CEP131: variants seen among roughly 807,000 people sequenced by gnomAD.
CEP131 encodes centrosomal protein 131, also known as centrosomal protein of 131 kDa.
A neutral mutation model predicts 136.8 loss-of-function variants in CEP131; 99 were observed. That is an observed-to-expected ratio of 0.72 (90% CI 0.62 to 0.86). The LOEUF (loss-of-function observed/expected upper bound fraction) is 0.86. Among genes scored for constraint, CEP131 ranks in the 40% least tolerant of loss-of-function variants. CEP131 has a pLI of 0.00. For synonymous variants in CEP131, 646 were observed against 612.7 expected (o/e 1.05, Z -0.80); for missense variants, 1,459 against 1,463.0 (o/e 1.00, Z 0.04).
chr17:81,199,354 G>A lies in CEP131; in HGVS notation c.1192+27C>T, dbSNP rs762353917. 4 of 1,576,056 alleles carry A rather than the reference G, an allele frequency of 2.5e-6. No individual in the cohort carries two copies. The East Asian group carries it at 6.8e-5, about 27-fold the overall frequency. On this transcript the variant is annotated intron_variant, in intron 10 of 25. Transcript: ENST00000450824. Reference sequence around the variant, plus strand: ...TCCTGGCTGCAGTCCACCCCCCAGAGCAGGGCGGGCGTGGAGCCACTCTCA... The same window carrying A: ...TCCTGGCTGCAGTCCACCCCCCAGAACAGGGCGGGCGTGGAGCCACTCTCA...
At chr17:81,207,319 C>T (rs2062029701) in intron 3 of CEP131, 80 bp from the exon 4 acceptor site, 44 of 1,264,994 alleles carry the variant, frequency 3.5e-5, no homozygotes, top group Non-Finnish European at 4.7e-5. Flanking sequence ...CCAGGCAGGT[C>T]CCGCGAGGAC....
At chr17:81,218,717 G>C (rs890010882) in intron 2 of CEP131, among the ~76,000 whole-genome samples, 1 of 152,194 alleles carries the variant, frequency 6.6e-6, no homozygotes, top group Non-Finnish European at 1.5e-5. Flanking sequence ...CCCGGAACTC[G>C]GCTAGCCGTC....
rs955331658 is a variant in CEP131, at chr17:81,204,985, G to T, written c.516-1378C>A. The stretch of plus-strand genomic sequence containing the variant: ...TTTCAATAAAACACTAAATGGCCGG[G>T]CGCAGTGGCTCACACCTATAATCCT... On this transcript the variant is annotated intron_variant, in intron 5 of 25. Transcript: ENST00000450824. Among the ~76,000 whole-genome samples, 4 of 152,192 alleles carry T rather than the reference G, an allele frequency of 2.6e-5. No individual in the cohort carries two copies. The East Asian group carries it at 7.7e-4, about 29-fold the overall frequency.
chr17:81,192,907 C>T, intron 18 of CEP131, 64 bp from the exon 19 acceptor site: 1 of 1,549,224 alleles, frequency 6.5e-7, no homozygotes, highest in Non-Finnish European at 8.7e-7. Context: ...CCACCCACCG[C>T]AGGGGCACGG....
Position 81,196,951 on chromosome 17 carries a change from C to T in CEP131, c.1752G>A (p.Met584Ile), listed in dbSNP as rs2061770236. Reference protein sequence around the residue: ...KLEVEEKKQAMLLLQRALAQQ... With the variant: ...KLEVEEKKQAILLLQRALAQQ... Reference sequence around the variant, plus strand: ...TTACCAGCGCTCTCTGCAGCAGCAGCATGGCCTGCTTCTTCTCCTCCACCT... The same window carrying T: ...TTACCAGCGCTCTCTGCAGCAGCAGTATGGCCTGCTTCTTCTCCTCCACCT... The change falls in exon 14 of 26, where the codon ATG becomes ATA. Residue 584 changes from methionine to isoleucine, a missense_variant. This residue lies in a region of CEP131 where 1,026 missense variants were observed against 964.2 expected (regional missense o/e 1.06). Transcript: ENST00000450824. 1.2e-6 allele frequency: 2 copies of T among 1,609,194 alleles called. No individual in the cohort carries two copies. The highest frequency in any genetic ancestry group is 1.3e-5 in the African/African-American group (1 of 74,864).
At chr17:81,210,931 T>A (rs144403931) in intron 2 of CEP131, among the ~76,000 whole-genome samples, 5 of 150,316 alleles carry the variant, frequency 3.3e-5, no homozygotes, top group Non-Finnish European at 7.4e-5. Context: ...GAAACCATGG[T>A]CTAAAATAGC....
In CEP131 at chr17:81,198,211, C is replaced by A. The variant is rs1182978706; in HGVS notation, c.1374G>T (p.Glu458Asp). 6.3e-7 allele frequency: 1 copy of A among 1,595,782 alleles called. No homozygotes were observed. Among genetic ancestry groups the A allele is most frequent in the Admixed American group, 1.7e-5 (1 of 58,528 alleles). ...RGSAKSRGPL[E>D]ELLHTLQLLE... The stretch of plus-strand genomic sequence containing the variant: ...GCAGCTGCAGTGTGTGCAGCAGCTC[C>A]TCCAGTGGCCCCCTGGACTTGGCGC... The change falls in exon 12 of 26, where the codon GAG becomes GAT. Residue 458 changes from glutamate to aspartate, a missense_variant. Physicochemically the swap from Glu to Asp is conservative, Grantham distance 45 (BLOSUM62 2). Around this residue, in one of 3 missense-constraint regions of CEP131, gnomAD observed 1,026 missense variants for 964.2 expected, o/e 1.06. Transcript: ENST00000450824.
In CEP131 at chr17:81,219,763, G is replaced by T; in HGVS notation, c.177+117C>A. ...CTCCTGGAACAGCCACGAGGATCCA[G>T]CATGTCCAGATGTGAGGCACTTGTT... On this transcript the variant is annotated intron_variant, in intron 2 of 25. Coordinates refer to ENST00000450824, the MANE Select transcript of CEP131 (RefSeq NM_014984.4). The surrounding 1 kb of genome is among the most constrained non-coding windows in gnomAD (Gnocchi z 4.0). 1 of 1,119,998 alleles carries T rather than the reference G, an allele frequency of 8.9e-7. No homozygotes were observed. Among genetic ancestry groups the T allele is most frequent in the Non-Finnish European group, 1.2e-6 (1 of 818,916 alleles). 69.4% of individuals were successfully genotyped at this position (1,119,998 alleles called of 1,614,324 possible).
rs1224512836 is a variant in CEP131, at chr17:81,208,731, C to A, written c.272+197G>T. Among the ~76,000 whole-genome samples, 3 of 152,178 alleles carry A rather than the reference C, an allele frequency of 2.0e-5. No individual in the cohort carries two copies. Among genetic ancestry groups the A allele is most frequent in the Admixed American group, 1.3e-4 (2 of 15,288 alleles). On this transcript the variant is annotated intron_variant, in intron 3 of 25. Coordinates refer to ENST00000450824, the MANE Select transcript of CEP131 (RefSeq NM_014984.4). The surrounding 1 kb of genome is among the most constrained non-coding windows in gnomAD (Gnocchi z 5.6). The stretch of plus-strand genomic sequence containing the variant: ...AGTGCAGGAGAGTGTCTGCCTCAGG[C>A]CTCCCGCCCCAATGCGAGAGGAGGC...
At chr17:81,209,236 G>C (rs2062081520) in intron 2 of CEP131, among the ~76,000 whole-genome samples, 1 of 152,154 alleles carries the variant, frequency 6.6e-6, no homozygotes, top group African/African-American at 2.4e-5. Context: ...CGACCTCTAA[G>C]AGCTTCCCCG....
rs34085091 is a variant in CEP131 at position 81,194,954 on chromosome 17, C to CT, written c.2034dup (p.Glu679ArgfsTer17). On this transcript the variant is annotated frameshift_variant, in exon 17 of 26. Transcript: ENST00000450824. LOFTEE classifies it high-confidence loss of function. ...GCTTTCTCGGTGGCGCTCATTAATT[C>CT]TTTGAGTTTTTTAATCTCCTACGAG... The CT allele has an allele frequency of 1.9e-6, 3 of 1,570,448 alleles. No homozygotes were observed. Among genetic ancestry groups the CT allele is most frequent in the Non-Finnish European group, 2.6e-6 (3 of 1,161,472 alleles).
chr17:81,190,529 G>C (rs2061614023), intron 24 of CEP131, 110 bp downstream of exon 24: 2 of 1,336,610 alleles, frequency 1.5e-6, no homozygotes, highest in South Asian at 1.6e-5. Context: ...CCCTGTCTCT[G>C]CATCTCCTGG....
At position 81,197,731 on chromosome 17, in the gene CEP131, T is replaced by C; in HGVS notation, c.1628A>G (p.Gln543Arg). The change falls in exon 13 of 26, where the codon CAG becomes CGG. Residue 543 changes from glutamine to arginine, a missense_variant. Transcript: ENST00000450824. ...LDEMEKSGQDQLDSQQEGWVP... is the reference protein window; with the variant it reads ...LDEMEKSGQDRLDSQQEGWVP... The stretch of plus-strand genomic sequence containing the variant: ...GGCCACCTCCTGCTGGGAGTCCAGC[T>C]GGTCCTGCCCAGACTTCTCCATCTC... The C allele has an allele frequency of 6.2e-7, 1 of 1,611,912 alleles. No homozygotes were observed. Among genetic ancestry groups the C allele is most frequent in the African/African-American group, 1.3e-5 (1 of 75,034 alleles).
rs1306296774 is a variant in CEP131, at chr17:81,200,452, C to A, written c.789-6G>T. 2 of 1,544,458 alleles carry A rather than the reference C, an allele frequency of 1.3e-6. No homozygotes were observed. Among genetic ancestry groups the A allele is most frequent in the African/African-American group, 2.7e-5 (2 of 73,018 alleles). On this transcript the variant is annotated splice_region_variant and splice_polypyrimidine_tract_variant and intron_variant, in intron 7 of 25. Coordinates refer to ENST00000450824, the MANE Select transcript of CEP131 (RefSeq NM_014984.4). ...GGTTCACCTGGTGGATAAACCTGCC[C>A]GGAGAGCAGGACTCAGGGCCAAGAC...
chr17:81,193,807 C>A, intron 18 of CEP131, 119 bp downstream of exon 18: 1 of 1,163,278 alleles, frequency 8.6e-7, no homozygotes, highest in East Asian at 2.7e-5. Flanking sequence ...CTGCGTCCTC[C>A]CTGCATGCTG....
At chr17:81,206,944 A>G (rs2062020698) in intron 4 of CEP131, 73 bp from the exon 5 acceptor site, 1 of 1,562,510 alleles carries the variant, frequency 6.4e-7, no homozygotes. Context: ...CCTCTCCCAC[A>G]AACGGGAGGA....
intron 12 of CEP131, 75 bp downstream of exon 12, chr17:81,198,040 C>G: frequency 6.7e-7 from 1 of 1,484,746 alleles, no homozygotes; most frequent in East Asian, 2.5e-5. Context: ...TTTCCCAACC[C>G]CCACAGCCAC....
rs540051438 is a variant in CEP131 at position 81,218,615 on chromosome 17, C to A, written c.177+1265G>T. 2.0e-5 allele frequency among the ~76,000 whole-genome samples: 3 copies of A among 152,374 alleles called. No individual in the cohort carries two copies. In the South Asian group the frequency reaches 6.2e-4, roughly 32 times the overall value. ...TTAGACAACCTGCCGGCCACAATGA[C>A]ACATCAGGACATCCCGGGTCCCCGC... is the stretch of plus-strand genomic sequence containing the variant. On this transcript the variant is annotated intron_variant, in intron 2 of 25. Transcript: ENST00000450824.
At chr17:81,198,692 T>C (rs1421448260) in intron 11 of CEP131, among the ~76,000 whole-genome samples, 185 bp downstream of exon 11, 2 of 151,934 alleles carry the variant, frequency 1.3e-5, no homozygotes, top group African/African-American at 4.8e-5. Context: ...CAGCAAAGGC[T>C]CCCCAAGAGG....
Sources: gnomAD v4.1 joint callset for allele counts (sites outside exome capture counted in the v4.1 genomes callset) on GRCh38, gnomAD v4.1.1 for gene constraint, gnomAD v4.1.1 regional missense constraint, Gnocchi (gnomAD v3.1) non-coding constraint, MANE v1.5 for transcripts, NCBI Gene and HGNC (gene_info 2026-07-23, HGNC 2026-07-21) for gene names.